FRMD4A: variants seen among roughly 807,000 people sequenced by gnomAD.
FRMD4A encodes FERM domain containing 4A.
Under a neutral mutation model 129.1 loss-of-function variants are expected in FRMD4A, and 29 were observed. That is an observed-to-expected ratio of 0.22 (90% CI 0.17 to 0.31). The LOEUF (loss-of-function observed/expected upper bound fraction) is 0.31. Among genes scored for constraint, FRMD4A ranks in the 10% least tolerant of loss-of-function variants. The pLI is 1.00. For missense variants in FRMD4A, 1,272 were observed against 1,375.8 expected (o/e 0.92, Z 1.19); for synonymous variants, 634 against 571.6 (o/e 1.11, Z -1.56).
chr10:13,927,376 C>G (rs528506843), intron 2 of FRMD4A, among the ~76,000 whole-genome samples: 1 of 152,208 alleles, frequency 6.6e-6, no homozygotes, highest in Non-Finnish European at 1.5e-5. Context: ...TTTCTAGAAC[C>G]TAGACTCCTC....
At chr10:13,809,603 C>T (rs942824077) in intron 4 of FRMD4A, among the ~76,000 whole-genome samples, 3 of 152,334 alleles carry the variant, frequency 2.0e-5, no homozygotes, top group Non-Finnish European at 2.9e-5. Context: ...TGCAATTCCT[C>T]CTGCCCACCG....
chr10:14,280,550 A>G (rs993652578), intron 2 of FRMD4A, among the ~76,000 whole-genome samples: 1 of 152,216 alleles, frequency 6.6e-6, no homozygotes, highest in African/African-American at 2.4e-5. Context: ...TAAAAATTAA[A>G]TACAATCATC....
intron 2 of FRMD4A, among the ~76,000 whole-genome samples, chr10:14,049,623 G>A (rs1198555087): frequency 1.3e-5 from 2 of 152,170 alleles, no homozygotes; most frequent in African/African-American, 4.8e-5. Flanking sequence ...GGAAAGATTT[G>A]ATTAAAATGA....
chr10:13,665,717 C>A (rs1161149658), intron 18 of FRMD4A, among the ~76,000 whole-genome samples: 1 of 152,176 alleles, frequency 6.6e-6, no homozygotes, highest in Non-Finnish European at 1.5e-5. Context: ...GTACCCCAGC[C>A]CCACCTGTCC....
intron 4 of FRMD4A, among the ~76,000 whole-genome samples, chr10:13,806,037 T>C (rs2093352321): frequency 6.6e-6 from 1 of 152,150 alleles, no homozygotes; most frequent in Non-Finnish European, 1.5e-5. Flanking sequence ...TCTGTATTTT[T>C]AGTGGAGACG....
chr10:14,250,809 G>A (rs922961414), intron 2 of FRMD4A, among the ~76,000 whole-genome samples: 3 of 152,194 alleles, frequency 2.0e-5, no homozygotes, highest in Admixed American at 6.5e-5. Context: ...GTCTCAGGGG[G>A]AGGCCCAGGA....
intron 2 of FRMD4A, among the ~76,000 whole-genome samples, chr10:13,971,467 C>A (rs1474524503): frequency 6.6e-6 from 1 of 152,186 alleles, no homozygotes; most frequent in African/African-American, 2.4e-5. Context: ...CGGTGCACTT[C>A]ACGTGGCGCA....
intron 2 of FRMD4A, among the ~76,000 whole-genome samples, chr10:13,977,805 A>G (rs1418998081): frequency 6.6e-6 from 1 of 152,194 alleles, no homozygotes; most frequent in Non-Finnish European, 1.5e-5. Flanking sequence ...AGATTCATCC[A>G]TATTGTAGCA....
chr10:14,065,451 G>T lies in FRMD4A; in HGVS notation c.46-206539C>A, dbSNP rs552928129. ...CTGCCTTGGCCTCCCAAAGTGCTGG[G>T]CTTGCAGATGTGAGCCACCATACCC... On this transcript the variant is annotated intron_variant, in intron 2 of 24. Transcript: ENST00000357447. 1.9e-4 allele frequency among the ~76,000 whole-genome samples: 29 copies of T among 152,268 alleles called. No homozygotes were observed. The South Asian group carries it at 2.7e-3, about 14-fold the overall frequency.
intron 15 of FRMD4A, among the ~76,000 whole-genome samples, chr10:13,676,302 C>T (rs180706033): frequency 7.7e-4 from 117 of 151,834 alleles, no homozygotes; most frequent in Non-Finnish European, 1.5e-3. Flanking sequence ...ACTCTTGTTG[C>T]CCAGGCTGGA....
chr10:14,070,627 G>T (rs1052485276), intron 2 of FRMD4A, among the ~76,000 whole-genome samples: 6 of 152,240 alleles, frequency 3.9e-5, no homozygotes, highest in Non-Finnish European at 7.4e-5. Flanking sequence ...GGGCTCTGAA[G>T]CTTCTTTGGT....
intron 2 of FRMD4A, among the ~76,000 whole-genome samples, chr10:14,079,531 T>TG (rs1835805894): frequency 6.6e-6 from 1 of 152,238 alleles, no homozygotes; most frequent in Non-Finnish European, 1.5e-5. Context: ...ACCAATGTAC[T>TG]AATAATCAAG....
At chr10:13,963,124 C>T (rs1392618569) in intron 2 of FRMD4A, among the ~76,000 whole-genome samples, 1 of 152,088 alleles carries the variant, frequency 6.6e-6, no homozygotes, top group African/African-American at 2.4e-5. Context: ...TGGAAGCACA[C>T]CAGTAGAAAT....
intron 2 of FRMD4A, among the ~76,000 whole-genome samples, chr10:13,905,169 G>A (rs1662756561): frequency 6.6e-6 from 1 of 151,928 alleles, no homozygotes; most frequent in Non-Finnish European, 1.5e-5. Flanking sequence ...CCACTTTTTT[G>A]GGGATACCTG....
intron 2 of FRMD4A, among the ~76,000 whole-genome samples, chr10:14,281,269 G>T (rs1845511608): frequency 6.6e-6 from 1 of 152,196 alleles, no homozygotes. Flanking sequence ...TGGGATTACA[G>T]ACGTGAGCCA....
At chr10:14,041,176 T>G (rs1588851235) in intron 2 of FRMD4A, among the ~76,000 whole-genome samples, 1 of 152,256 alleles carries the variant, frequency 6.6e-6, no homozygotes, top group East Asian at 1.9e-4. Context: ...GTTTTCTTGC[T>G]GAAATTGGAC....
chr10:14,162,630 GT>G (rs556368229), intron 2 of FRMD4A, among the ~76,000 whole-genome samples: 1,495 of 117,312 alleles, frequency 0.013, 38 homozygotes, highest in African/African-American at 0.046. Flanking sequence ...GAGTTTCTCT[GT>G]TTTTTTTTTG....
chr10:14,064,647 G>A (rs1289942228), intron 2 of FRMD4A, among the ~76,000 whole-genome samples: 5 of 151,966 alleles, frequency 3.3e-5, no homozygotes, highest in African/African-American at 7.3e-5. Flanking sequence ...GCGCGATCTC[G>A]GCTCACTGCA....
At chr10:14,089,365 G>A (rs114094406) in intron 2 of FRMD4A, among the ~76,000 whole-genome samples, 277 of 152,148 alleles carry the variant, frequency 1.8e-3, no homozygotes, top group African/African-American at 6.4e-3. Context: ...AGTGCATGAA[G>A]CCACTTATCA....
Sources: gnomAD v4.1 joint callset for allele counts (sites outside exome capture counted in the v4.1 genomes callset) on GRCh38, gnomAD v4.1.1 for gene constraint, MANE v1.5 for transcripts, NCBI Gene and HGNC (gene_info 2026-07-23, HGNC 2026-07-21) for gene names.